Variants in FAM227B observed in about 807,000 individuals in gnomAD.
The protein encoded by FAM227B is family with sequence similarity 227 member B, also known as protein FAM227B.
FAM227B carries 88 observed loss-of-function variants against 73.8 expected under a neutral mutation model. The ratio of observed to expected loss-of-function variants is 1.19; its 90% CI spans 1.00 to 1.42. The LOEUF (loss-of-function observed/expected upper bound fraction) is 1.42. Among genes scored for constraint, FAM227B ranks in the 40% most tolerant of loss-of-function variants. The pLI, the probability that FAM227B is intolerant of heterozygous loss-of-function variation, is 0.00. For missense variants in FAM227B, 632 were observed against 590.9 expected (o/e 1.07, Z -0.72); for synonymous variants, 210 against 190.5 (o/e 1.10, Z -0.84).
intron 1 of FAM227B, among the ~76,000 whole-genome samples, chr15:49,616,762 T>G (rs989966101): frequency 6.6e-6 from 1 of 152,240 alleles, no homozygotes; most frequent in Admixed American, 6.5e-5. Context: ...TATTACTTCT[T>G]AATTTTGGTA....
rs901807077 is a variant in FAM227B, at chr15:49,540,235, A to G, written c.874+1445T>C. Among the ~76,000 whole-genome samples, 11 of 152,234 alleles carry G rather than the reference A, an allele frequency of 7.2e-5. No individual in the cohort carries two copies. The South Asian group carries it at 2.3e-3, about 32-fold the overall frequency. ...TGTGTGGCTGCCTCAGGAACTGTTGAAGTCCTTAGTAGAAAAGGTTGCTAG... is the reference window on the plus strand; with the variant it reads ...TGTGTGGCTGCCTCAGGAACTGTTGGAGTCCTTAGTAGAAAAGGTTGCTAG... On this transcript the variant is annotated intron_variant, in intron 10 of 15. Coordinates refer to ENST00000299338, the MANE Select transcript of FAM227B (RefSeq NM_152647.3).
intron 9 of FAM227B, among the ~76,000 whole-genome samples, chr15:49,562,737 T>C (rs1244494752): frequency 6.6e-6 from 1 of 151,894 alleles, no homozygotes; most frequent in African/African-American, 2.4e-5. Context: ...ATAAATATAA[T>C]TTTTTTAAAA....
chr15:49,337,133 G>T (rs1005269481), intron 13 of FAM227B, among the ~76,000 whole-genome samples: 1 of 152,156 alleles, frequency 6.6e-6, no homozygotes, highest in South Asian at 2.1e-4. Context: ...TTGCTATTGT[G>T]AATAGTGCTG....
intron 11 of FAM227B, among the ~76,000 whole-genome samples, chr15:49,453,813 A>G (rs76986337): frequency 0.023 from 3,546 of 152,170 alleles, 88 homozygotes; most frequent in South Asian, 0.13. Flanking sequence ...CACGTTCCCA[A>G]TTGAATTCAG....
intron 10 of FAM227B, among the ~76,000 whole-genome samples, chr15:49,511,297 C>T (rs1186531829): frequency 6.6e-6 from 1 of 151,612 alleles, no homozygotes; most frequent in Non-Finnish European, 1.5e-5. Flanking sequence ...ACATTAAAGG[C>T]CATAAATTAC....
chr15:49,574,060 C>T (rs1001884126), intron 8 of FAM227B, among the ~76,000 whole-genome samples: 1 of 151,846 alleles, frequency 6.6e-6, no homozygotes, highest in Non-Finnish European at 1.5e-5. Context: ...TTGAAATCTA[C>T]TTTGTATGAT....
At chr15:49,571,711 G>C (rs1027474849) in intron 8 of FAM227B, among the ~76,000 whole-genome samples, 3 of 151,830 alleles carry the variant, frequency 2.0e-5, no homozygotes, top group African/African-American at 7.3e-5. Flanking sequence ...ATATGTGTCT[G>C]TTTTTATGCC....
chr15:49,391,731 T>G (rs749322342), intron 11 of FAM227B, among the ~76,000 whole-genome samples: 2 of 152,158 alleles, frequency 1.3e-5, no homozygotes, highest in Non-Finnish European at 2.9e-5. Context: ...CACTTCAAGA[T>G]AGCCTGCCAT....
At chr15:49,434,905 T>C (rs557533330) in intron 11 of FAM227B, among the ~76,000 whole-genome samples, 1 of 151,696 alleles carries the variant, frequency 6.6e-6, no homozygotes, top group Non-Finnish European at 1.5e-5. Flanking sequence ...ACAATGTTTT[T>C]CCTTTAAAGG....
At chr15:49,588,913 A>T (rs1220860486) in intron 4 of FAM227B, among the ~76,000 whole-genome samples, 2 of 151,874 alleles carry the variant, frequency 1.3e-5, no homozygotes, top group Non-Finnish European at 2.9e-5. Flanking sequence ...TTAGTTCAAA[A>T]AAGAATATTA....
chr15:49,452,752 T>C (rs888021673), intron 11 of FAM227B, among the ~76,000 whole-genome samples: 1 of 152,178 alleles, frequency 6.6e-6, no homozygotes, highest in Non-Finnish European at 1.5e-5. Context: ...ATCTAATCTA[T>C]GTGCTTACAA....
chr15:49,402,461 CT>C (rs756618729), intron 11 of FAM227B, among the ~76,000 whole-genome samples: 9 of 152,236 alleles, frequency 5.9e-5, no homozygotes, highest in Non-Finnish European at 1.3e-4. Context: ...TTTAAGCAGT[CT>C]TTTGTAGTTC....
intron 11 of FAM227B, among the ~76,000 whole-genome samples, chr15:49,425,884 T>C (rs1176919200): frequency 6.6e-6 from 1 of 151,718 alleles, no homozygotes; most frequent in East Asian, 1.9e-4. Context: ...TATACTAAAG[T>C]TTATCTAAGG....
intron 9 of FAM227B, among the ~76,000 whole-genome samples, chr15:49,549,627 C>T (rs12050723): frequency 6.6e-6 from 1 of 150,968 alleles, no homozygotes; most frequent in African/African-American, 2.4e-5. Flanking sequence ...CACATGATTC[C>T]GAGAGCACAG....
intron 9 of FAM227B, among the ~76,000 whole-genome samples, chr15:49,564,731 C>G (rs1449369097): frequency 6.6e-6 from 1 of 151,726 alleles, no homozygotes; most frequent in African/African-American, 2.4e-5. Context: ...AGCTAATTAA[C>G]ACAGAAACAG....
At chr15:49,574,798 C>A (rs1202119067) in intron 8 of FAM227B, 1 of 298,128 alleles carries the variant, frequency 3.4e-6, no homozygotes, top group Non-Finnish European at 6.2e-6. Flanking sequence ...AGTCTAATTT[C>A]AAAGATCCAG....
At chr15:49,418,950 TTC>T in intron 11 of FAM227B, among the ~76,000 whole-genome samples, 2 of 152,278 alleles carry the variant, frequency 1.3e-5, no homozygotes, top group Middle Eastern at 6.8e-3. Flanking sequence ...GGTTTCCCTC[TTC>T]TGTTTCAAGA....
intron 11 of FAM227B, among the ~76,000 whole-genome samples, chr15:49,389,324 T>G (rs975259330): frequency 6.6e-6 from 1 of 151,870 alleles, no homozygotes; most frequent in Non-Finnish European, 1.5e-5. Context: ...GGAAATTACC[T>G]CTTTTGCAGC....
intron 9 of FAM227B, among the ~76,000 whole-genome samples, chr15:49,562,330 A>G (rs1423806612): frequency 6.6e-6 from 1 of 152,078 alleles, no homozygotes; most frequent in East Asian, 1.9e-4. Flanking sequence ...GACCAATATC[A>G]AATTCTGAAG....
Sources: allele counts gnomAD v4.1 joint callset (sites outside exome capture counted in the v4.1 genomes callset), GRCh38; gene constraint gnomAD v4.1.1; transcripts MANE v1.5; gene names NCBI Gene and HGNC (gene_info 2026-07-23, HGNC 2026-07-21).